Variants in DDX43 observed in about 807,000 individuals in gnomAD.
DDX43 encodes DEAD-box helicase 43, also known as probable ATP-dependent RNA helicase DDX43.
Under a neutral mutation model 84.9 loss-of-function variants are expected in DDX43, and 50 were observed. The observed-to-expected ratio is 0.59, with a 90% CI of 0.47 to 0.75. The LOEUF is 0.75. DDX43 is among the 30% of genes least tolerant of loss of function. The probability of loss-of-function intolerance (pLI) is 0.00; values close to 1 mark genes in which losing one functional copy is unlikely to be tolerated. For synonymous variants in DDX43, 291 were observed against 266.3 expected (o/e 1.09, Z -0.90); for missense variants, 689 against 798.6 (o/e 0.86, Z 1.65).
rs759468343 is a variant in DDX43, at chr6:73,394,886, A to G, written c.-20A>G. 6.2e-7 allele frequency: 1 copy of G among 1,612,868 alleles called. No individual in the cohort carries two copies. The highest frequency in any genetic ancestry group is 8.5e-7 in the Non-Finnish European group (1 of 1,179,220). The stretch of plus-strand genomic sequence containing the variant: ...CAGAGCTGGACGGCAACGACGTCGG[A>G]CGCGCCCCTTCTTGGAACAATGTCC... On this transcript the variant is annotated 5_prime_UTR_variant, in exon 1 of 17. Coordinates refer to ENST00000370336, the MANE Select transcript of DDX43 (RefSeq NM_018665.3).
chr6:73,411,739 G>T (rs569505336), intron 10 of DDX43, among the ~76,000 whole-genome samples: 1 of 151,892 alleles, frequency 6.6e-6, no homozygotes, highest in African/African-American at 2.4e-5. Flanking sequence ...CTTTTGTTGC[G>T]GTGGCTGGAG....
intron 5 of DDX43, 22 bp from the exon 6 acceptor site, chr6:73,405,657 T>G: frequency 5.0e-6 from 8 of 1,610,168 alleles, no homozygotes; most frequent in Non-Finnish European, 6.8e-6. Flanking sequence ...GGAAAGCCAC[T>G]GATGTTTTTT....
intron 14 of DDX43, 38 bp from the exon 15 acceptor site, chr6:73,415,459 A>ATT: frequency 7.0e-7 from 1 of 1,425,560 alleles, no homozygotes; most frequent in South Asian, 1.2e-5. Context: ...GTATTAACTG[A>ATT]ATAATGAATA....
intron 1 of DDX43, 53 bp downstream of exon 1, chr6:73,395,208 C>T: frequency 6.5e-7 from 1 of 1,531,878 alleles, no homozygotes; most frequent in East Asian, 2.4e-5. Context: ...GGGGCGGAGC[C>T]TGGGCGAAGG....
At position 73,406,392 on chromosome 6, in the gene DDX43, G is replaced by T; in HGVS notation, c.836G>T (p.Gly279Val). The change falls in exon 7 of 17, where the codon GGA becomes GTA. Residue 279 changes from glycine (G) to valine (V), a missense_variant. This residue lies in a region of DDX43 where 552 missense variants were observed against 692.7 expected (regional missense o/e 0.80). Coordinates refer to ENST00000370336, the MANE Select transcript of DDX43 (RefSeq NM_018665.3). ...CAGGCATGGCCCATTGTGTTGCAAG[G>T]AATAGATCTTATAGGAGTAGCCCAG... ...QSQAWPIVLQ[G>V]IDLIGVAQTG... 6.2e-7 allele frequency: 1 copy of T among 1,612,716 alleles called. No individual in the cohort carries two copies. Among genetic ancestry groups the T allele is most frequent in the Non-Finnish European group, 8.5e-7 (1 of 1,178,948 alleles).
chr6:73,416,253 T>A lies in DDX43; in HGVS notation c.*25+2T>A. 8.2e-7 allele frequency: 1 copy of A among 1,218,012 alleles called. No homozygotes were observed. The highest frequency in any genetic ancestry group is 1.2e-6 in the Non-Finnish European group (1 of 825,296). The allele number at this position is 1,218,012 out of a possible 1,614,324, so 75.5% of individuals were successfully genotyped here. On this transcript the variant is annotated splice_donor_variant, in intron 16 of 16. Coordinates refer to ENST00000370336, the MANE Select transcript of DDX43 (RefSeq NM_018665.3). LOFTEE classifies it low-confidence loss of function (3UTR_SPLICE). ...GTCTTCTGTACTAGTGGGGTAGAGG[T>A]AAAAGTTCAATAACATATGGACTTT... is the stretch of plus-strand genomic sequence containing the variant.
In DDX43 at chr6:73,395,001, G is replaced by A. The variant is rs781132060; in HGVS notation, c.96G>A (p.Ala32=). The stretch of plus-strand genomic sequence containing the variant: ...CCCGAGCGCCAGAGAGGAGGCCGGC[G>A]GAGGAGTTGAATCGAACAGGTCCTG... ...TVSRAPERRP[A]EELNRTGPEG... is the part of the protein sequence containing the mutation. The change falls in exon 1 of 17, where the codon GCG becomes GCA. Residue 32 remains alanine (A), a synonymous_variant. Transcript: ENST00000370336. 6 of 1,614,246 alleles carry A rather than the reference G, an allele frequency of 3.7e-6. No homozygotes were observed. Among genetic ancestry groups the A allele is most frequent in the South Asian group, 1.1e-5 (1 of 91,086 alleles).
At position 73,395,066 on chromosome 6, in the gene DDX43, C is replaced by G; in HGVS notation, c.161C>G (p.Thr54Ser). The G allele has an allele frequency of 6.2e-7, 1 of 1,613,120 alleles. No individual in the cohort carries two copies. The highest frequency in any genetic ancestry group is 1.3e-5 in the African/African-American group (1 of 74,646). Reference protein sequence around the residue: ...SVGRGGRWRGTSRPPEAVAAG... With the variant: ...SVGRGGRWRGSSRPPEAVAAG... The stretch of plus-strand genomic sequence containing the variant: ...GGCAGAGGTGGTCGCTGGAGAGGCA[C>G]CTCTAGGCCCCCGGAGGCCGTGGCC... Residue 54 changes from threonine (T) to serine (S), a missense_variant, in exon 1 of 17, where the codon ACC (threonine) becomes AGC (serine). Thr to Ser is a moderately conservative substitution (Grantham distance 58). Around this residue, in one of 2 missense-constraint regions of DDX43, gnomAD observed 137 missense variants for 105.9 expected, o/e 1.29. Transcript: ENST00000370336.
intron 11 of DDX43, chr6:73,413,440 G>A (rs1769842474): frequency 8.8e-6 from 3 of 339,826 alleles, no homozygotes; most frequent in African/African-American, 6.4e-5. Flanking sequence ...CAAATAGTTG[G>A]TTGAAGGAAT....
At chr6:73,410,363 C>T (rs958007292) in intron 10 of DDX43, among the ~76,000 whole-genome samples, 2 of 152,062 alleles carry the variant, frequency 1.3e-5, no homozygotes, top group Admixed American at 6.6e-5. Context: ...GGGGTTTCGC[C>T]ATGTTGGCCA....
In DDX43 at chr6:73,412,247, T is replaced by C. The variant is rs1233588193; in HGVS notation, c.1323T>C (p.Tyr441=). ...CAGTTCATCGCCTCGCACAATCTTA[T>C]TTGAAAGAACCAATGATTGTCTATG... ...PHSVHRLAQS[Y]LKEPMIVYVG... Residue 441 remains tyrosine (Y), a synonymous_variant, in exon 11 of 17, where the codon TAT becomes TAC. Transcript: ENST00000370336. 2 of 1,613,770 alleles carry C rather than the reference T, an allele frequency of 1.2e-6. No homozygotes were observed. Among genetic ancestry groups the C allele is most frequent in the African/African-American group, 2.7e-5 (2 of 74,908 alleles).
At chr6:73,396,321 A>G (rs188301163) in intron 1 of DDX43, among the ~76,000 whole-genome samples, 1 of 152,324 alleles carries the variant, frequency 6.6e-6, no homozygotes, top group African/African-American at 2.4e-5. Context: ...GCCCGAGTAT[A>G]AATTGCCACA....
At chr6:73,403,886 T>C (rs10447320) in intron 4 of DDX43, among the ~76,000 whole-genome samples, 142,182 of 150,468 alleles carry the variant, frequency 0.94, 67,693 homozygotes, top group East Asian at 1. Context: ...GGCGCAATCT[T>C]GGCACACTGC....
Position 73,405,766 on chromosome 6 carries a change from C to T in DDX43, c.738C>T (p.Ala246=). The part of the protein sequence containing the change: ...IPNPTCTFDD[A]FQCYPEVMEN... Reference sequence around the variant, plus strand: ...ATCCTACCTGCACATTTGATGACGCCTTTCAATGTTATCCTGAGGTTATGG... The same window carrying T: ...ATCCTACCTGCACATTTGATGACGCTTTTCAATGTTATCCTGAGGTTATGG... Residue 246 remains alanine (A), a synonymous_variant, in exon 6 of 17, where the codon GCC becomes GCT. Transcript: ENST00000370336. 1 of 1,614,064 alleles carries T rather than the reference C, an allele frequency of 6.2e-7. No homozygotes were observed. The highest frequency in any genetic ancestry group is 2.2e-5 in the East Asian group (1 of 44,874).
intron 10 of DDX43, 135 bp from the exon 11 acceptor site, chr6:73,412,068 CTG>C: frequency 1.6e-6 from 1 of 643,286 alleles, no homozygotes; most frequent in Non-Finnish European, 2.7e-6. Flanking sequence ...AGTGAATTAA[CTG>C]TTAAATTTGC....
Position 73,412,668 on chromosome 6 carries a change from T to TGTGTGTGTGTGCGCGC in DDX43, c.1368+377_1368+378insTGTGTGTGTGCGCGCG, listed in dbSNP as rs538597626. On this transcript the variant is annotated intron_variant, in intron 11 of 16. Transcript: ENST00000370336. ...GTGTGTGTGTGTGTGTGTGTGTGTG[T>TGTGTGTGTGTGCGCGC]GCGCGCGCGCGTGTGTGTGTGTGCG... 2.6e-3 allele frequency among the ~76,000 whole-genome samples: 287 copies of TGTGTGTGTGTGCGCGC among 108,416 alleles called. 3 individuals carry two copies. Among genetic ancestry groups the TGTGTGTGTGTGCGCGC allele is most frequent in the South Asian group, 4.9e-3 (15 of 3,086 alleles). The allele number at this position is 108,416 out of a possible 152,430, so 71.1% of individuals were successfully genotyped here. A position where few individuals can be genotyped will look rare whatever the true frequency, so the allele number is the denominator to read the frequency against.
rs1267161964 is a variant in DDX43 at position 73,407,862 on chromosome 6, G to A, written c.1038-98G>A. The stretch of plus-strand genomic sequence containing the variant: ...TCAGAAAGGGGCAGATACCCCTAAA[G>A]GTACCTGATAATTGATTTTTATCCC... On this transcript the variant is annotated intron_variant, in intron 8 of 16. Coordinates refer to ENST00000370336, the MANE Select transcript of DDX43 (RefSeq NM_018665.3). The A allele has an allele frequency of 2.5e-6, 3 of 1,209,696 alleles. No homozygotes were observed. In the Admixed American group the frequency reaches 6.3e-5, roughly 25 times the overall value. The allele number at this position is 1,209,696 out of a possible 1,614,324, so 74.9% of individuals were successfully genotyped here.
intron 2 of DDX43, 147 bp downstream of exon 2, chr6:73,397,891 G>C: frequency 1.8e-6 from 1 of 558,032 alleles, no homozygotes; most frequent in South Asian, 3.1e-5. Flanking sequence ...TCTGCCTCCT[G>C]GGTTCAAGCA....
At chr6:73,396,302 T>G (rs1001932679) in intron 1 of DDX43, among the ~76,000 whole-genome samples, 7 of 152,332 alleles carry the variant, frequency 4.6e-5, no homozygotes, top group Admixed American at 1.3e-4. Context: ...CCCCATTGAT[T>G]GCCATTAAGC....
Sources: allele counts gnomAD v4.1 joint callset (sites outside exome capture counted in the v4.1 genomes callset), GRCh38; gene constraint gnomAD v4.1.1; regional missense constraint gnomAD v4.1.1; transcripts MANE v1.5; gene names NCBI Gene and HGNC (gene_info 2026-07-23, HGNC 2026-07-21).